Variants in TNN observed in about 807,000 individuals in gnomAD.
TNN encodes the protein tenascin-N.
A neutral mutation model predicts 134.4 loss-of-function variants in TNN; 122 were observed. The ratio of observed to expected loss-of-function variants is 0.91; its 90% CI spans 0.78 to 1.06. The LOEUF is 1.06. Among genes scored for constraint, TNN ranks in the 50% least tolerant of loss-of-function variants. TNN has a pLI of 0.00. For missense variants in TNN, 1,739 were observed against 1,699.4 expected, an observed-to-expected ratio of 1.02 and a Z score of -0.41; for synonymous variants, 710 against 670.3, an observed-to-expected ratio of 1.06 and a Z score of -0.91.
intron 1 of TNN, among the ~76,000 whole-genome samples, chr1:175,073,044 G>A (rs1047149129): frequency 2.0e-5 from 3 of 149,102 alleles, no homozygotes; most frequent in Non-Finnish European, 4.4e-5. Flanking sequence ...GGGCAGAGAA[G>A]TCTGCTTTTT....
chr1:175,118,925 G>A (rs1675267465), intron 11 of TNN, 101 bp downstream of exon 11: 6 of 1,456,420 alleles, frequency 4.1e-6, no homozygotes, highest in African/African-American at 1.4e-5. Context: ...GTAACCTCAG[G>A]GCTGCAGACT....
chr1:175,088,662 T>C (rs1438753707), intron 6 of TNN, among the ~76,000 whole-genome samples: 3 of 152,222 alleles, frequency 2.0e-5, no homozygotes, highest in Non-Finnish European at 2.9e-5. Context: ...TCTCTGCAAG[T>C]GGGTTTCTGT....
chr1:175,094,220 G>C lies in TNN; in HGVS notation c.1555G>C (p.Gly519Arg), dbSNP rs1674515804. 1.2e-6 allele frequency: 2 copies of C among 1,611,218 alleles called. No individual in the cohort carries two copies. Among genetic ancestry groups the C allele is most frequent in the African/African-American group, 2.7e-5 (2 of 74,982 alleles). The stretch of plus-strand genomic sequence containing the variant: ...CGTGTGGGCTGAAAGGGGCAACCAG[G>C]GGAGCAAGAAAGCTGACACCAATGC... ...VYVWAERGNQ[G>R]SKKADTNALT... is the part of the protein sequence containing the mutation. Residue 519 changes from glycine to arginine, a missense_variant, in exon 7 of 19, where the codon GGG (glycine) becomes CGG (arginine). Transcript: ENST00000239462.
intron 18 of TNN, among the ~76,000 whole-genome samples, 154 bp downstream of exon 18, chr1:175,144,704 C>T (rs961290515): frequency 1.3e-5 from 2 of 152,234 alleles, no homozygotes; most frequent in African/African-American, 4.8e-5. Context: ...GCCTTGAGGT[C>T]GTGGCCTCCC....
chr1:175,116,615 A>G (rs2101834564), intron 9 of TNN, among the ~76,000 whole-genome samples: 1 of 152,360 alleles, frequency 6.6e-6, no homozygotes, highest in East Asian at 1.9e-4. Context: ...CCGGAGCCAC[A>G]ACTGGCAGAT....
At chr1:175,142,975 T>A (rs1193652780) in intron 17 of TNN, among the ~76,000 whole-genome samples, 1 of 152,176 alleles carries the variant, frequency 6.6e-6, no homozygotes, top group Non-Finnish European at 1.5e-5. Context: ...GGAACCCCAC[T>A]TGAAGAGCCA....
At chr1:175,080,926 A>G (rs144379714) in intron 4 of TNN, among the ~76,000 whole-genome samples, 33 of 152,364 alleles carry the variant, frequency 2.2e-4, no homozygotes, top group African/African-American at 7.5e-4. Flanking sequence ...ACCTGCATCA[A>G]TAAGGATACT....
intron 3 of TNN, 93 bp downstream of exon 3, chr1:175,079,800 T>G: frequency 1.4e-6 from 2 of 1,446,314 alleles, no homozygotes; most frequent in Non-Finnish European, 1.8e-6. Flanking sequence ...TGGGGGTCTC[T>G]TCCTTTAGCC....
At chr1:175,080,644 A>T (rs1264133689) in intron 4 of TNN, among the ~76,000 whole-genome samples, 1 of 152,104 alleles carries the variant, frequency 6.6e-6, no homozygotes, top group African/African-American at 2.4e-5. Context: ...ATGGGGGCTC[A>T]TGGGGTCTTC....
intron 15 of TNN, among the ~76,000 whole-genome samples, chr1:175,132,979 G>T (rs1438891589): frequency 6.6e-6 from 1 of 152,244 alleles, no homozygotes; most frequent in African/African-American, 2.4e-5. Context: ...CAAGGCACAT[G>T]CTGTGAAGTC....
intron 18 of TNN, 93 bp downstream of exon 18, chr1:175,144,643 C>T (rs1481672775): frequency 7.4e-7 from 1 of 1,342,308 alleles, no homozygotes. Context: ...CAGCCCCTCT[C>T]CTTCTGAAGC....
In TNN at chr1:175,128,735, G is replaced by C. The variant is rs772265643; in HGVS notation, c.3319G>C (p.Gly1107Arg). Residue 1107 changes from glycine (G) to arginine (R), a missense_variant, in exon 15 of 19, where the codon GGT becomes CGT. Transcript: ENST00000239462. ...GTACTGTGACATGGAAACGGACGGAGGTGGCTGGATTGTGAGTCACGCAGA... is the reference window on the plus strand; with the variant it reads ...GTACTGTGACATGGAAACGGACGGACGTGGCTGGATTGTGAGTCACGCAGA... Reference protein sequence around the residue: ...QVYCDMETDGGGWIVFQRRNT... With the variant: ...QVYCDMETDGRGWIVFQRRNT... 1.2e-6 allele frequency: 2 copies of C among 1,613,058 alleles called. No homozygotes were observed.
In TNN at chr1:175,126,999, T is replaced by C. The variant is rs1478995519; in HGVS notation, c.2959T>C (p.Ser987Pro). 6.2e-7 allele frequency: 1 copy of C among 1,614,148 alleles called. No homozygotes were observed. Among genetic ancestry groups the C allele is most frequent in the Admixed American group, 1.7e-5 (1 of 60,024 alleles). The change falls in exon 13 of 19, where the codon TCT becomes CCT. Residue 987 changes from serine to proline, a missense_variant. By Grantham distance (74) the Ser-to-Pro change is moderately conservative. Transcript: ENST00000239462. Reference protein sequence around the residue: ...RNLRPSAVTQSGGILTWTPPS... With the variant: ...RNLRPSAVTQPGGILTWTPPS... ...CCTTCGTCCATCTGCTGTAACGCAG[T>C]CTGGTGGCATATTGACCTGGACGCC...
chr1:175,088,883 C>A (rs1674377829), intron 6 of TNN, among the ~76,000 whole-genome samples: 1 of 152,230 alleles, frequency 6.6e-6, no homozygotes, highest in African/African-American at 2.4e-5. Flanking sequence ...TTCTCCACTG[C>A]AGCCTTCTAT....
In TNN at chr1:175,118,489, G is replaced by A. The variant is rs879234723; in HGVS notation, c.2387-72G>A. ...ACAACATGAAAGGGTTTCACCCCAC[G>A]CAAAATGACCACCAGTTTCTGCACT... is the stretch of plus-strand genomic sequence containing the variant. On this transcript the variant is annotated intron_variant, in intron 10 of 18. Coordinates refer to ENST00000239462, the MANE Select transcript of TNN (RefSeq NM_022093.2). The A allele has an allele frequency of 3.3e-5, 52 of 1,572,556 alleles. No individual in the cohort carries two copies. The South Asian group carries it at 4.7e-4, about 14-fold the overall frequency.
chr1:175,130,094 G>T (rs908322567), intron 15 of TNN, among the ~76,000 whole-genome samples: 1 of 152,096 alleles, frequency 6.6e-6, no homozygotes, highest in Non-Finnish European at 1.5e-5. Flanking sequence ...ATCTCCCCTT[G>T]CCCCTTTTCT....
chr1:175,112,598 C>CTTTTTTTTTTTTTTTTTTTTT lies in TNN; in HGVS notation c.2120-4324_2120-4304dup, dbSNP rs767531767. On this transcript the variant is annotated intron_variant, in intron 9 of 18. Coordinates refer to ENST00000239462, the MANE Select transcript of TNN (RefSeq NM_022093.2). ...TTAAAGATCCATTCAGCCGGCCGATCTTTTTTTTTTTTTTTTTTTTTTTTT... is the reference window on the plus strand; with the variant it reads ...TTAAAGATCCATTCAGCCGGCCGATCTTTTTTTTTTTTTTTTTTTTTTTTTTTTTTTTTTTTTTTTTTTTTT... Among the ~76,000 whole-genome samples the CTTTTTTTTTTTTTTTTTTTTT allele has an allele frequency of 1.6e-3, 36 of 21,990 alleles. 15 individuals are homozygous for CTTTTTTTTTTTTTTTTTTTTT. Among genetic ancestry groups the CTTTTTTTTTTTTTTTTTTTTT allele is most frequent in the Middle Eastern group, 0.083 (2 of 24 alleles). 14.4% of individuals were successfully genotyped at this position (21,990 alleles called of 152,430 possible).
chr1:175,135,962 A>G, intron 16 of TNN, 21 bp downstream of exon 16: 1 of 1,568,108 alleles, frequency 6.4e-7, no homozygotes, highest in Non-Finnish European at 8.8e-7. Context: ...AGAATCCAGG[A>G]GGCTGGGGCT....
Position 175,077,653 on chromosome 1 carries a change from A to G in TNN, c.235A>G (p.Arg79Gly), listed in dbSNP as rs2072032. Reference protein sequence around the residue: ...GASLLALGEAREEQNIIFRHN... With the variant: ...GASLLALGEAGEEQNIIFRHN... ...TTCGCTCTTGGCCCTGGGGGAGGCCAGGGAGGAACAGAACATCATCTTCAG... is the reference window on the plus strand; with the variant it reads ...TTCGCTCTTGGCCCTGGGGGAGGCCGGGGAGGAACAGAACATCATCTTCAG... The change falls in exon 2 of 19, where the codon AGG becomes GGG. Residue 79 changes from arginine to glycine, a missense_variant. Physicochemically the swap from Arg to Gly is moderately radical, Grantham distance 125. Coordinates refer to ENST00000239462, the MANE Select transcript of TNN (RefSeq NM_022093.2). 0.51 allele frequency: 825,677 copies of G among 1,613,900 alleles called. 215,424 individuals carry two copies. The highest frequency in any genetic ancestry group is 0.79 in the African/African-American group (58,886 of 75,010).
Sources: gnomAD v4.1 joint callset for allele counts (sites outside exome capture counted in the v4.1 genomes callset) on GRCh38, gnomAD v4.1.1 for gene constraint, MANE v1.5 for transcripts, NCBI Gene and HGNC (gene_info 2026-07-23, HGNC 2026-07-21) for gene names.